ZNF385D: variants seen among roughly 807,000 people sequenced by gnomAD.
The protein encoded by ZNF385D is zinc finger protein 385D.
A neutral mutation model predicts 35.8 loss-of-function variants in ZNF385D; 15 were observed. The observed-to-expected ratio is 0.42, with a 90% CI of 0.28 to 0.64. ZNF385D has a LOEUF of 0.64. ZNF385D is among the 30% of genes least tolerant of loss of function. ZNF385D has a pLI of 0.23. For synonymous variants in ZNF385D, 212 were observed against 186.8 expected, an observed-to-expected ratio of 1.13 and a Z score of -1.10; for missense variants, 474 against 494.6, an observed-to-expected ratio of 0.96 and a Z score of 0.39.
intron 2 of ZNF385D, among the ~76,000 whole-genome samples, chr3:22,233,995 A>G (rs1388548): frequency 0.4 from 61,148 of 151,902 alleles, 14,542 homozygotes; most frequent in East Asian, 0.73. Flanking sequence ...TCAAAGTTCA[A>G]ATACTTGAAA....
chr3:22,107,042 T>TTTTTTTTTTTTG (rs10688533), intron 3 of ZNF385D, among the ~76,000 whole-genome samples: 4 of 149,384 alleles, frequency 2.7e-5, no homozygotes, highest in South Asian at 2.2e-4. Flanking sequence ...TTTTTTTTTT[T>TTTTTTTTTTTTG]AGACAGAGTT....
intron 3 of ZNF385D, among the ~76,000 whole-genome samples, chr3:21,513,777 T>C (rs1349318037): frequency 6.6e-6 from 1 of 152,180 alleles, no homozygotes; most frequent in Admixed American, 6.5e-5. Flanking sequence ...GTAATGTTTA[T>C]AGAATTTATT....
intron 2 of ZNF385D, among the ~76,000 whole-genome samples, chr3:22,242,734 T>A (rs999446674): frequency 6.6e-6 from 1 of 151,080 alleles, no homozygotes; most frequent in Non-Finnish European, 1.5e-5. Flanking sequence ...AAAATATGAA[T>A]AAAGACCATA....
chr3:21,790,092 C>A (rs186023592), intron 3 of ZNF385D, among the ~76,000 whole-genome samples: 1 of 152,174 alleles, frequency 6.6e-6, no homozygotes, highest in East Asian at 1.9e-4. Context: ...CAAACACACA[C>A]ATAACTATCT....
chr3:21,598,790 G>C (rs918595536), intron 2 of ZNF385D, among the ~76,000 whole-genome samples: 3 of 152,150 alleles, frequency 2.0e-5, no homozygotes, highest in African/African-American at 7.2e-5. Flanking sequence ...TGAGTTTCAC[G>C]ACATATGTTC....
intron 3 of ZNF385D, among the ~76,000 whole-genome samples, chr3:21,765,296 G>C (rs1453082243): frequency 1.3e-5 from 2 of 151,922 alleles, no homozygotes; most frequent in African/African-American, 2.4e-5. Flanking sequence ...ATAAAAGTAA[G>C]GGATCAATAC....
chr3:22,324,341 G>C (rs546289378), intron 2 of ZNF385D, among the ~76,000 whole-genome samples: 3 of 152,108 alleles, frequency 2.0e-5, no homozygotes, highest in Admixed American at 6.5e-5. Flanking sequence ...CAATATTTAG[G>C]AAACAAAATC....
intron 3 of ZNF385D, among the ~76,000 whole-genome samples, chr3:21,996,696 A>G (rs1559832380): frequency 1.3e-5 from 2 of 152,174 alleles, no homozygotes; most frequent in Admixed American, 6.5e-5. Flanking sequence ...TTCTCATTCA[A>G]AAGTATTTTA....
intron 2 of ZNF385D, among the ~76,000 whole-genome samples, chr3:22,338,916 G>A (rs142721904): frequency 3.3e-4 from 50 of 151,972 alleles, no homozygotes; most frequent in Admixed American, 2.0e-3. Flanking sequence ...GGCCAGGCTC[G>A]TCTCGAACTC....
At chr3:21,482,409 T>G (rs941394687) in intron 4 of ZNF385D, among the ~76,000 whole-genome samples, 1 of 152,184 alleles carries the variant, frequency 6.6e-6, no homozygotes, top group East Asian at 1.9e-4. Context: ...AGAAAGTGTA[T>G]GGTCTGCAAA....
intron 3 of ZNF385D, among the ~76,000 whole-genome samples, chr3:21,874,348 T>C (rs1697852543): frequency 6.6e-6 from 1 of 152,112 alleles, no homozygotes; most frequent in South Asian, 2.1e-4. Context: ...AACCAGGTTA[T>C]TTGTTTTGAA....
At position 21,751,042 on chromosome 3, in the gene ZNF385D, C is replaced by A. The variant is rs1292757821; in HGVS notation, c.-126G>T. The stretch of plus-strand genomic sequence containing the variant: ...TGTCCCCGGCGTGGAGAGCAGTGAG[C>A]GCCGAGAGCGTGCCTCCTCCGCGGG... On this transcript the variant is annotated 5_prime_UTR_variant, in exon 1 of 8. Coordinates refer to ENST00000281523, the MANE Select transcript of ZNF385D (RefSeq NM_024697.3). 4 of 1,561,766 alleles carry A rather than the reference C, an allele frequency of 2.6e-6. No individual in the cohort carries two copies. The highest frequency in any genetic ancestry group is 2.3e-5 in the East Asian group (1 of 43,038).
rs140709138 is a variant in ZNF385D, at chr3:22,292,237, G to A, written c.106+80213C>T. Among the ~76,000 whole-genome samples, 874 of 152,018 alleles carry A rather than the reference G, an allele frequency of 5.7e-3. 9 individuals are homozygous for A. Among genetic ancestry groups the A allele is most frequent in the South Asian group, 0.05 (239 of 4,824 alleles). On this transcript the variant is annotated intron_variant, in intron 2 of 5. Transcript: ENST00000494108. ...ATTTTTTAAAAAAGAAATATAGAAG[G>A]TCTATCTTCTGAGCCCTAACATACA...
chr3:22,161,546 T>C (rs1705950386), intron 3 of ZNF385D, among the ~76,000 whole-genome samples: 1 of 152,096 alleles, frequency 6.6e-6, no homozygotes, highest in South Asian at 2.1e-4. Context: ...ATGAGATCTC[T>C]GGAATATGGA....
intron 7 of ZNF385D, among the ~76,000 whole-genome samples, chr3:21,422,397 C>T (rs1700784099): frequency 6.6e-6 from 1 of 152,124 alleles, no homozygotes; most frequent in Admixed American, 6.6e-5. Context: ...GGTACATATA[C>T]AGGTTTGTTA....
At chr3:21,631,382 G>A (rs183952630) in intron 2 of ZNF385D, among the ~76,000 whole-genome samples, 149 of 151,930 alleles carry the variant, frequency 9.8e-4, no homozygotes, top group African/African-American at 3.5e-3. Flanking sequence ...ACAAGAGCAG[G>A]CCCACCTCCT....
At chr3:21,675,144 G>C (rs1424600771) in intron 1 of ZNF385D, among the ~76,000 whole-genome samples, 1 of 152,054 alleles carries the variant, frequency 6.6e-6, no homozygotes, top group Non-Finnish European at 1.5e-5. Context: ...TAAAAGGTGA[G>C]AAACATTTTA....
At chr3:21,844,906 A>C (rs1469302373) in intron 3 of ZNF385D, among the ~76,000 whole-genome samples, 1 of 151,974 alleles carries the variant, frequency 6.6e-6, no homozygotes, top group Non-Finnish European at 1.5e-5. Flanking sequence ...GGTGGACTTT[A>C]GAATTGGTTT....
intron 3 of ZNF385D, among the ~76,000 whole-genome samples, chr3:22,011,065 C>CA (rs1207599179): frequency 1.3e-5 from 2 of 152,074 alleles, no homozygotes; most frequent in Non-Finnish European, 2.9e-5. Flanking sequence ...TGGATTTCTA[C>CA]AAAATTCGTT....
Sources: gnomAD v4.1 joint callset for allele counts (sites outside exome capture counted in the v4.1 genomes callset) on GRCh38, gnomAD v4.1.1 for gene constraint, MANE v1.5 for transcripts, NCBI Gene and HGNC (gene_info 2026-07-23, HGNC 2026-07-21) for gene names.